SCAP: variants seen among roughly 807,000 people sequenced by gnomAD.
The protein encoded by SCAP is sterol regulatory element-binding protein cleavage-activating protein.
A neutral mutation model predicts 123.6 loss-of-function variants in SCAP; 65 were observed. The ratio of observed to expected loss-of-function variants is 0.53; its 90% CI spans 0.43 to 0.65. The LOEUF (loss-of-function observed/expected upper bound fraction) is 0.65, where lower values mean the gene tolerates loss of function less well. Ranked by LOEUF, SCAP falls within the 30% of genes least tolerant of loss-of-function variation. The pLI, the probability that SCAP is intolerant of heterozygous loss-of-function variation, is 0.00. For missense variants in SCAP, 1,398 were observed against 1,712.5 expected, an observed-to-expected ratio of 0.82 and a Z score of 3.24; for synonymous variants, 740 against 726.3, an observed-to-expected ratio of 1.02 and a Z score of -0.30.
intron 1 of SCAP, among the ~76,000 whole-genome samples, chr3:47,464,254 G>T (rs1352898320): frequency 2.0e-5 from 3 of 152,056 alleles, no homozygotes; most frequent in Non-Finnish European, 4.4e-5. Context: ...GATCTCAGGT[G>T]ATCCGCCTGC....
At chr3:47,417,063 G>A in intron 18 of SCAP, 59 bp downstream of exon 18, 1 of 1,469,106 alleles carries the variant, frequency 6.8e-7, no homozygotes. Context: ...AGACTCAAGA[G>A]AGTATGGCCT....
chr3:47,437,196 T>C (rs1427311281), intron 2 of SCAP, among the ~76,000 whole-genome samples: 1 of 152,086 alleles, frequency 6.6e-6, no homozygotes, highest in Non-Finnish European at 1.5e-5. Flanking sequence ...TCCCAGCACT[T>C]TGGGAGGCTG....
chr3:47,416,925 C>G (rs1024116546), intron 18 of SCAP, among the ~76,000 whole-genome samples, 197 bp downstream of exon 18: 2 of 152,224 alleles, frequency 1.3e-5, no homozygotes, highest in African/African-American at 2.4e-5. Flanking sequence ...CGCGCCCGGC[C>G]ACCCCTAACG....
rs1377584107 is a variant in SCAP at position 47,419,766 on chromosome 3, C to T, written c.1564-62G>A. 18 of 1,494,788 alleles carry T rather than the reference C, an allele frequency of 1.2e-5. No individual in the cohort carries two copies. Among genetic ancestry groups the T allele is most frequent in the Middle Eastern group, 1.9e-4 (1 of 5,386 alleles). The allele number at this position is 1,494,788 out of a possible 1,614,324, so 92.6% of individuals were successfully genotyped here. ...GGCCCCAACCCCCAGCAGCTTCAGC[C>T]CTCATGCTGAGAGGAAGCAGCACAG... On this transcript the variant is annotated intron_variant, in intron 12 of 22. Transcript: ENST00000265565. The surrounding 1 kb of genome is among the most constrained non-coding windows in gnomAD (Gnocchi z 5.0).
chr3:47,423,945 G>A lies in SCAP; in HGVS notation c.1138C>T (p.Arg380Trp), dbSNP rs1438527728. The A allele has an allele frequency of 9.3e-6, 15 of 1,613,516 alleles. No individual in the cohort carries two copies. Among genetic ancestry groups the A allele is most frequent in the East Asian group, 2.2e-5 (1 of 44,892 alleles). The change falls in exon 9 of 23, where the codon CGG becomes TGG. Residue 380 changes from arginine (R) to tryptophan (W), a missense_variant. This residue lies in a region of SCAP where 66 missense variants were observed against 116.3 expected (regional missense o/e 0.57). Transcript: ENST00000265565. Reference protein sequence around the residue: ...STPVDLEVKLRIAQGLSSESW... With the variant: ...STPVDLEVKLWIAQGLSSESW... ...CCCACTGCGTTACCTTGGGCGATCC[G>A]CAGCTTCACCTCCAGGTCTACCGGG...
intron 1 of SCAP, among the ~76,000 whole-genome samples, chr3:47,445,561 C>T (rs1576293249): frequency 2.0e-5 from 3 of 148,178 alleles, no homozygotes; most frequent in African/African-American, 7.5e-5. Context: ...TTCTTGTTTA[C>T]TTGGTCTCGA....
intron 1 of SCAP, among the ~76,000 whole-genome samples, chr3:47,462,296 T>C (rs535660784): frequency 6.6e-6 from 1 of 152,260 alleles, no homozygotes; most frequent in East Asian, 1.9e-4. Context: ...ATATAACTTG[T>C]CAAAGGTTTT....
At chr3:47,470,676 A>G (rs1376467570) in intron 1 of SCAP, among the ~76,000 whole-genome samples, 1 of 152,234 alleles carries the variant, frequency 6.6e-6, no homozygotes, top group East Asian at 1.9e-4. Flanking sequence ...TAGCCTGGCC[A>G]ACATGGTGAA....
intron 1 of SCAP, among the ~76,000 whole-genome samples, chr3:47,468,418 G>C (rs1707912765): frequency 6.6e-6 from 1 of 152,094 alleles, no homozygotes; most frequent in African/African-American, 2.4e-5. Flanking sequence ...CATTCTAACT[G>C]GTGTGAGGGT....
intron 1 of SCAP, among the ~76,000 whole-genome samples, chr3:47,457,252 C>T (rs765209544): frequency 1.3e-5 from 2 of 152,084 alleles, no homozygotes; most frequent in Non-Finnish European, 2.9e-5. Flanking sequence ...ATGTAGTTTA[C>T]CTTTCCAATT....
chr3:47,472,849 G>A (rs1003561145), intron 1 of SCAP, among the ~76,000 whole-genome samples: 1 of 152,028 alleles, frequency 6.6e-6, no homozygotes, highest in South Asian at 2.1e-4. Flanking sequence ...GGGAGGCCGA[G>A]GCGGGCGGAT....
intron 1 of SCAP, among the ~76,000 whole-genome samples, chr3:47,447,178 C>T (rs927215199): frequency 2.0e-5 from 3 of 152,086 alleles, no homozygotes; most frequent in Admixed American, 6.6e-5. Context: ...CCGAGGTGGG[C>T]GGATCGCTTG....
Position 47,462,811 on chromosome 3 carries a change from TTG to T in SCAP, c.-99+12986_-99+12987del, listed in dbSNP as rs534243795. On this transcript the variant is annotated intron_variant, in intron 1 of 22. Transcript: ENST00000265565. Reference sequence around the variant, plus strand: ...AGGAAAACACCTACTTATTTCCTAGTTGTGAGTGACATCATGTCCCTACTGAT... The same window carrying T: ...AGGAAAACACCTACTTATTTCCTAGTTGAGTGACATCATGTCCCTACTGAT... Among the ~76,000 whole-genome samples the T allele has an allele frequency of 7.2e-5, 11 of 151,840 alleles. No individual in the cohort carries two copies. In the East Asian group the frequency reaches 1.9e-3, roughly 27 times the overall value.
chr3:47,468,043 A>G (rs1707898179), intron 1 of SCAP, among the ~76,000 whole-genome samples: 1 of 152,208 alleles, frequency 6.6e-6, no homozygotes, highest in Admixed American at 6.5e-5. Context: ...TATAAAGGAC[A>G]TGAACTCACC....
intron 3 of SCAP, among the ~76,000 whole-genome samples, chr3:47,432,148 C>T (rs1706383773): frequency 6.6e-6 from 1 of 151,822 alleles, no homozygotes; most frequent in Non-Finnish European, 1.5e-5. Context: ...GAAACCCCGT[C>T]TCTACTAAAA....
rs557983281 is a variant in SCAP, at chr3:47,426,397, T to G, written c.738-228A>C. Among the ~76,000 whole-genome samples, 135 of 152,276 alleles carry G rather than the reference T, an allele frequency of 8.9e-4. 1 individual carries two copies. Among genetic ancestry groups the G allele is most frequent in the Non-Finnish European group, 1.7e-3 (114 of 68,020 alleles). ...CCCTGCTCCTTTCTTTGTCTCCCTT[T>G]CCGGACCTACTCCAACACTCTCTTT... On this transcript the variant is annotated intron_variant, in intron 6 of 22. Coordinates refer to ENST00000265565, the MANE Select transcript of SCAP (RefSeq NM_012235.4).
chr3:47,451,015 TA>T (rs561939888), intron 1 of SCAP, among the ~76,000 whole-genome samples: 78 of 109,508 alleles, frequency 7.1e-4, no homozygotes, highest in Non-Finnish European at 6.3e-4. Context: ...GCCAGCTAAT[TA>T]AAAAAAAAAA....
In SCAP at chr3:47,419,563, G is replaced by A; in HGVS notation, c.1705C>T (p.Pro569Ser). The A allele has an allele frequency of 1.2e-6, 2 of 1,612,756 alleles. No homozygotes were observed. Among genetic ancestry groups the A allele is most frequent in the Non-Finnish European group, 1.7e-6 (2 of 1,179,198 alleles). Residue 569 changes from proline (P) to serine (S), a missense_variant, in exon 13 of 23, where the codon CCC (proline) becomes TCC (serine). This residue lies in a region of SCAP where 828 missense variants were observed against 882.5 expected (regional missense o/e 0.94). Transcript: ENST00000265565. The surrounding 1 kb of genome is among the most constrained non-coding windows in gnomAD (Gnocchi z 5.0). ...AAGGCAGGGTCCGGGTGGCTGGGGG[G>A]CAGCATGCCACTAGGCACGGGCATG... is the stretch of plus-strand genomic sequence containing the variant. The part of the protein sequence containing the change: ...APMPVPSGML[P>S]PSHPDPAFSI...
chr3:47,471,253 TAAAATA>T (rs1237874650), intron 1 of SCAP, among the ~76,000 whole-genome samples: 1 of 151,848 alleles, frequency 6.6e-6, no homozygotes, highest in Non-Finnish European at 1.5e-5. Flanking sequence ...AAAAATAAAA[TAAAATA>T]AGAATAAGAA....
Sources: gnomAD v4.1 joint callset for allele counts (sites outside exome capture counted in the v4.1 genomes callset) on GRCh38, gnomAD v4.1.1 for gene constraint, gnomAD v4.1.1 regional missense constraint, Gnocchi (gnomAD v3.1) non-coding constraint, MANE v1.5 for transcripts, NCBI Gene and HGNC (gene_info 2026-07-23, HGNC 2026-07-21) for gene names.